Variants in CFAP57 observed in about 807,000 individuals in gnomAD.
The protein encoded by CFAP57 is cilia and flagella associated protein 57.
A neutral mutation model predicts 146.8 loss-of-function variants in CFAP57; 116 were observed. The observed-to-expected ratio is 0.79, with a 90% confidence interval of 0.68 to 0.92. The LOEUF (loss-of-function observed/expected upper bound fraction) is 0.92, where lower values mean the gene tolerates loss of function less well. Among genes scored for constraint, CFAP57 ranks in the 40% least tolerant of loss-of-function variants. The pLI, the probability that CFAP57 is intolerant of heterozygous loss-of-function variation, is 0.00. For missense variants in CFAP57, 1,377 were observed against 1,527.2 expected (o/e 0.90, Z 1.64); for synonymous variants, 518 against 552.8 (o/e 0.94, Z 0.88).
intron 11 of CFAP57, among the ~76,000 whole-genome samples, chr1:43,211,223 G>A (rs1435587697): frequency 6.6e-6 from 1 of 152,256 alleles, no homozygotes; most frequent in African/African-American, 2.4e-5. Flanking sequence ...GATCTGCTAA[G>A]TTTTGTGGAT....
In CFAP57 at chr1:43,201,587, G is replaced by A. The variant is rs1270584879; in HGVS notation, c.1542+2084G>A. 6.6e-6 allele frequency among the ~76,000 whole-genome samples: 1 copy of A among 152,204 alleles called. No individual in the cohort carries two copies. Among genetic ancestry groups the A allele is most frequent in the African/African-American group, 2.4e-5 (1 of 41,450 alleles). ...TGCAACCTCCACCTCCTGAGTTCAA[G>A]CGATTCTCCTGCCTCAGCCTCCCAA... On this transcript the variant is annotated intron_variant, in intron 9 of 22. Transcript: ENST00000372492. This position sits in a 1 kb window ranked among gnomAD's most constrained non-coding sequence, Gnocchi z 4.4.
chr1:43,188,062 C>T (rs1244122179), intron 6 of CFAP57, among the ~76,000 whole-genome samples: 2 of 152,166 alleles, frequency 1.3e-5, no homozygotes, highest in Non-Finnish European at 2.9e-5. Context: ...CCTCATCCTC[C>T]CAAAGTGTTG....
At chr1:43,199,304 CG>C (rs1644008236) in intron 8 of CFAP57, 85 bp from the exon 9 acceptor site, 1 of 1,285,620 alleles carries the variant, frequency 7.8e-7, no homozygotes, top group Admixed American at 1.7e-5. Flanking sequence ...AGTCTGAACT[CG>C]TTGGGAAAAG....
At chr1:43,229,081 C>T (rs1176621287) in intron 18 of CFAP57, among the ~76,000 whole-genome samples, 2 of 148,992 alleles carry the variant, frequency 1.3e-5, no homozygotes, top group East Asian at 4.2e-4. Flanking sequence ...TTCATCAGAC[C>T]ATAGCAGCCT....
intron 22 of CFAP57, among the ~76,000 whole-genome samples, chr1:43,247,818 A>ATTTTTTTTT (rs1646167902): frequency 6.6e-6 from 1 of 151,956 alleles, no homozygotes; most frequent in African/African-American, 2.4e-5. Flanking sequence ...ATTCTTCTTC[A>ATTTTTTTTT]TTTTTCTTTA....
intron 21 of CFAP57, among the ~76,000 whole-genome samples, chr1:43,235,390 AG>A (rs1645648316): frequency 6.6e-6 from 1 of 152,232 alleles, no homozygotes; most frequent in Admixed American, 6.5e-5. Flanking sequence ...TAGTATCAAA[AG>A]GGAACATCAG....
chr1:43,220,853 C>T (rs1254211999), intron 13 of CFAP57, among the ~76,000 whole-genome samples: 1 of 151,580 alleles, frequency 6.6e-6, no homozygotes, highest in Non-Finnish European at 1.5e-5. Flanking sequence ...TTAATTAATT[C>T]ACTTTATAAT....
chr1:43,242,923 G>T (rs968804390), intron 21 of CFAP57, among the ~76,000 whole-genome samples: 1 of 152,070 alleles, frequency 6.6e-6, no homozygotes, highest in Non-Finnish European at 1.5e-5. Flanking sequence ...TAGCCATAGG[G>T]TTATTATGAT....
chr1:43,202,688 CAGG>C (rs1644179756), intron 9 of CFAP57, among the ~76,000 whole-genome samples: 1 of 151,478 alleles, frequency 6.6e-6, no homozygotes, highest in Non-Finnish European at 1.5e-5. Context: ...GAGGCTGAGA[CAGG>C]AGGATCGCTT....
At chr1:43,241,652 C>A (rs1439546882) in intron 21 of CFAP57, among the ~76,000 whole-genome samples, 1 of 152,160 alleles carries the variant, frequency 6.6e-6, no homozygotes, top group East Asian at 1.9e-4. Flanking sequence ...TTCTGGTATA[C>A]AGACCCTCAG....
chr1:43,221,946 G>C (rs941558902), intron 14 of CFAP57, among the ~76,000 whole-genome samples, 159 bp from the exon 15 acceptor site: 8 of 152,180 alleles, frequency 5.3e-5, no homozygotes, highest in Non-Finnish European at 1.0e-4. Context: ...TGGGATGAGG[G>C]GTTGGCAGCA....
chr1:43,233,614 T>C (rs1645564359), intron 19 of CFAP57, among the ~76,000 whole-genome samples: 1 of 152,210 alleles, frequency 6.6e-6, no homozygotes, highest in Non-Finnish European at 1.5e-5. Flanking sequence ...ATTTCCATGC[T>C]GAAGAGGATG....
chr1:43,240,430 G>A (rs1645867522), intron 21 of CFAP57, among the ~76,000 whole-genome samples: 1 of 152,184 alleles, frequency 6.6e-6, no homozygotes, highest in African/African-American at 2.4e-5. Flanking sequence ...GGGCACCATG[G>A]CCTTGACTAA....
Position 43,219,459 on chromosome 1 carries a change from C to T in CFAP57, c.2169C>T (p.Asp723=), listed in dbSNP as rs753091118. The part of the protein sequence containing the change: ...MENEYQLRLK[D]MNYSEKIKEL... ...ATGAGTATCAACTCCGACTAAAGGA[C>T]ATGAACTATTCTGAGAAGATTAAGG... Residue 723 remains aspartate (D), a synonymous_variant, in exon 13 of 23, where the codon GAC becomes GAT. Coordinates refer to ENST00000372492, the MANE Select transcript of CFAP57 (RefSeq NM_001378189.1). The T allele has an allele frequency of 7.1e-6, 11 of 1,550,576 alleles. No individual in the cohort carries two copies. The highest frequency in any genetic ancestry group is 9.6e-6 in the Non-Finnish European group (11 of 1,147,004).
At chr1:43,199,716 A>G (rs1221571570) in intron 9 of CFAP57, among the ~76,000 whole-genome samples, 1 of 152,258 alleles carries the variant, frequency 6.6e-6, no homozygotes, top group Non-Finnish European at 1.5e-5. Context: ...TGTGAGAGAA[A>G]TAATGAAGGG....
At chr1:43,188,485 A>T (rs552122870) in intron 6 of CFAP57, among the ~76,000 whole-genome samples, 1 of 152,272 alleles carries the variant, frequency 6.6e-6, no homozygotes, top group South Asian at 2.1e-4. Context: ...GTGGGTAAGA[A>T]GTGGTATCTC....
intron 21 of CFAP57, among the ~76,000 whole-genome samples, chr1:43,237,285 C>T (rs1167041657): frequency 6.6e-6 from 1 of 152,176 alleles, no homozygotes; most frequent in East Asian, 1.9e-4. Context: ...CTCAGCCTCC[C>T]CACTCCATTC....
At chr1:43,240,784 TTCAC>T (rs1309540898) in intron 21 of CFAP57, among the ~76,000 whole-genome samples, 1 of 152,154 alleles carries the variant, frequency 6.6e-6, no homozygotes, top group African/African-American at 2.4e-5. Flanking sequence ...TCAGGAAGCT[TTCAC>T]TCATGATGGA....
chr1:43,233,795 C>G (rs553112452), intron 19 of CFAP57, among the ~76,000 whole-genome samples: 12 of 151,742 alleles, frequency 7.9e-5, no homozygotes, highest in Non-Finnish European at 5.9e-5. Context: ...GTAGATGAAC[C>G]AACCTGCCCA....
Sources: gnomAD v4.1 joint callset for allele counts (sites outside exome capture counted in the v4.1 genomes callset) on GRCh38, gnomAD v4.1.1 for gene constraint, Gnocchi (gnomAD v3.1) non-coding constraint, MANE v1.5 for transcripts, NCBI Gene and HGNC (gene_info 2026-07-23, HGNC 2026-07-21) for gene names.